AP1S3: variants seen among roughly 807,000 people sequenced by gnomAD.
The protein encoded by AP1S3 is adaptor related protein complex 1 subunit sigma 3.
Under a neutral mutation model 20.9 loss-of-function variants are expected in AP1S3, and 10 were observed. The ratio of observed to expected loss-of-function variants is 0.48; its 90% CI spans 0.29 to 0.81. The LOEUF is 0.81. Ranked by LOEUF, AP1S3 falls within the 30% of genes least tolerant of loss-of-function variation. The pLI, the probability that AP1S3 is intolerant of heterozygous loss-of-function variation, is 0.08. For synonymous variants in AP1S3, 41 were observed against 61.5 expected (o/e 0.67, Z 1.56); for missense variants, 154 against 183.8 (o/e 0.84, Z 0.94).
intron 3 of AP1S3, among the ~76,000 whole-genome samples, chr2:223,766,875 TA>T (rs1351875338): frequency 1.3e-5 from 2 of 152,034 alleles, no homozygotes; most frequent in East Asian, 1.9e-4. Context: ...TATGCAGCCA[TA>T]AAAAAAGATG....
chr2:223,820,108 T>C (rs1218917803), intron 1 of AP1S3, among the ~76,000 whole-genome samples: 1 of 152,342 alleles, frequency 6.6e-6, no homozygotes, highest in East Asian at 1.9e-4. Context: ...GGCACTTTGA[T>C]ATCAATTTTA....
At chr2:223,777,007 A>G (rs751022409) in intron 2 of AP1S3, among the ~76,000 whole-genome samples, 1 of 152,246 alleles carries the variant, frequency 6.6e-6, no homozygotes, top group Non-Finnish European at 1.5e-5. Context: ...TTACTAAGTG[A>G]AAATATTGTA....
intron 1 of AP1S3, among the ~76,000 whole-genome samples, chr2:223,835,563 G>C (rs1692376251): frequency 6.6e-6 from 1 of 152,192 alleles, no homozygotes; most frequent in African/African-American, 2.4e-5. Flanking sequence ...GCTGAGGCAG[G>C]AGAATTGCTT....
intron 1 of AP1S3, among the ~76,000 whole-genome samples, chr2:223,799,511 T>G (rs1414193225): frequency 1.3e-5 from 2 of 152,232 alleles, no homozygotes. Context: ...TCTCTGGCTT[T>G]GAATTTTATG....
rs554580248 is a variant in AP1S3 at position 223,809,623 on chromosome 2, G to C, written c.3+27825C>G. Among the ~76,000 whole-genome samples the C allele has an allele frequency of 2.9e-4, 44 of 151,978 alleles. No homozygotes were observed. In the South Asian group the frequency reaches 8.9e-3, roughly 31 times the overall value. ...CGCGCCACTGCACTCCAGCCTGGGG[G>C]ACAGAGTGAGACTCCGTTTCAAAAC... is the stretch of plus-strand genomic sequence containing the variant. On this transcript the variant is annotated intron_variant, in intron 1 of 4. Coordinates refer to ENST00000396654, the MANE Select transcript of AP1S3 (RefSeq NM_001039569.2).
At chr2:223,823,459 C>T (rs1007228725) in intron 1 of AP1S3, among the ~76,000 whole-genome samples, 78 of 152,128 alleles carry the variant, frequency 5.1e-4, no homozygotes, top group African/African-American at 1.7e-3. Flanking sequence ...ACCTGAAAGA[C>T]ATTATATTAA....
intron 4 of AP1S3, 125 bp downstream of exon 4, chr2:223,765,084 TATAA>T: frequency 7.5e-7 from 1 of 1,326,778 alleles, no homozygotes; most frequent in Non-Finnish European, 1.0e-6. Flanking sequence ...AGCTAATACA[TATAA>T]ATAGTTTAGA....
intron 1 of AP1S3, among the ~76,000 whole-genome samples, chr2:223,819,494 T>C (rs1207553633): frequency 1.3e-5 from 2 of 151,704 alleles, no homozygotes; most frequent in Non-Finnish European, 2.9e-5. Flanking sequence ...GCTACAGAAA[T>C]AAACTATAAA....
At chr2:223,820,440 T>A (rs1478152897) in intron 1 of AP1S3, among the ~76,000 whole-genome samples, 1 of 152,124 alleles carries the variant, frequency 6.6e-6, no homozygotes, top group Middle Eastern at 3.4e-3. Flanking sequence ...GCACGGGGTG[T>A]GCCTGTTTAA....
chr2:223,770,333 G>A (rs1435970277), intron 3 of AP1S3: 2 of 1,550,404 alleles, frequency 1.3e-6, no homozygotes, highest in Admixed American at 2.0e-5. Flanking sequence ...CTCCTGCAAA[G>A]TGAACCTGAC....
At chr2:223,827,012 TG>T (rs66764613) in intron 1 of AP1S3, among the ~76,000 whole-genome samples, 48,904 of 152,028 alleles carry the variant, frequency 0.32, 8,281 homozygotes, top group Middle Eastern at 0.42. Flanking sequence ...AGCAAAATTT[TG>T]TAAGAGGCGG....
chr2:223,814,492 T>C (rs1434530412), intron 1 of AP1S3, among the ~76,000 whole-genome samples: 2 of 152,186 alleles, frequency 1.3e-5, no homozygotes, highest in African/African-American at 4.8e-5. Flanking sequence ...TCAAATGTAC[T>C]TGAAAGGTAA....
chr2:223,780,408 C>T (rs558746629), intron 1 of AP1S3, among the ~76,000 whole-genome samples: 230 of 95,272 alleles, frequency 2.4e-3, no homozygotes, highest in African/African-American at 8.7e-3. Context: ...TTTGTAGAGA[C>T]GAGGTCTCCC....
At chr2:223,796,574 T>C (rs1691342550) in intron 1 of AP1S3, among the ~76,000 whole-genome samples, 1 of 152,068 alleles carries the variant, frequency 6.6e-6, no homozygotes, top group Non-Finnish European at 1.5e-5. Flanking sequence ...TGACCAATGG[T>C]CTTCTGATCA....
At chr2:223,814,425 G>A (rs1167815648) in intron 1 of AP1S3, among the ~76,000 whole-genome samples, 7 of 152,044 alleles carry the variant, frequency 4.6e-5, no homozygotes, top group African/African-American at 7.2e-5. Context: ...TAAATAAAGC[G>A]GCAAAAATGA....
chr2:223,783,037 G>GA (rs929187741), intron 1 of AP1S3, among the ~76,000 whole-genome samples: 4 of 151,742 alleles, frequency 2.6e-5, no homozygotes, highest in East Asian at 3.9e-4. Flanking sequence ...TTGAGAGTAG[G>GA]AAAAAAAAGG....
chr2:223,773,219 C>A, intron 3 of AP1S3: 1 of 1,192,428 alleles, frequency 8.4e-7, no homozygotes, highest in Admixed American at 3.0e-5. Context: ...CCCCAATTCA[C>A]ATTATCACAG....
chr2:223,790,067 C>T (rs1691178999), intron 1 of AP1S3, among the ~76,000 whole-genome samples: 1 of 152,094 alleles, frequency 6.6e-6, no homozygotes. Context: ...ACAAAGAGAG[C>T]AGCCTGAGAT....
Position 223,758,203 on chromosome 2 carries a change from A to C in AP1S3, c.*512T>G. 1 of 980,050 alleles carries C rather than the reference A, an allele frequency of 1.0e-6. No individual in the cohort carries two copies. Among genetic ancestry groups the C allele is most frequent in the Non-Finnish European group, 1.2e-6 (1 of 824,622 alleles). 60.7% of individuals were successfully genotyped at this position (980,050 alleles called of 1,614,324 possible). Reference sequence around the variant, plus strand: ...GACATTTTGTATGTGAATTGCAGTTACAGTACTATTAAGTGTATGAAAAAT... The same window carrying C: ...GACATTTTGTATGTGAATTGCAGTTCCAGTACTATTAAGTGTATGAAAAAT... On this transcript the variant is annotated 3_prime_UTR_variant, in exon 5 of 5. Coordinates refer to ENST00000396654, the MANE Select transcript of AP1S3 (RefSeq NM_001039569.2).
Sources: allele counts gnomAD v4.1 joint callset (sites outside exome capture counted in the v4.1 genomes callset), GRCh38; gene constraint gnomAD v4.1.1; transcripts MANE v1.5; gene names NCBI Gene and HGNC (gene_info 2026-07-23, HGNC 2026-07-21).